The following EPS15 variants were observed in gnomAD, a reference collection of about 807,000 sequenced individuals.
The protein encoded by EPS15 is epidermal growth factor receptor substrate 15.
A neutral mutation model predicts 113.8 loss-of-function variants in EPS15; 72 were observed. The observed-to-expected ratio is 0.63, with a 90% CI of 0.52 to 0.77. EPS15 has a LOEUF of 0.77. Ranked by LOEUF, EPS15 falls within the 30% of genes least tolerant of loss-of-function variation. The pLI, the probability that EPS15 is intolerant of heterozygous loss-of-function variation, is 0.00. For missense variants in EPS15, 1,048 were observed against 1,045.8 expected (o/e 1.00, Z -0.03); for synonymous variants, 344 against 363.4 (o/e 0.95, Z 0.61).
chr1:51,366,472 A>G (rs1344122724), intron 21 of EPS15, among the ~76,000 whole-genome samples: 2 of 152,212 alleles, frequency 1.3e-5, no homozygotes, highest in Non-Finnish European at 2.9e-5. Flanking sequence ...ACCCACAAAG[A>G]CAGACTGTAT....
intron 13 of EPS15, among the ~76,000 whole-genome samples, chr1:51,412,243 C>A (rs1288191439): frequency 6.6e-6 from 1 of 152,078 alleles, no homozygotes; most frequent in Non-Finnish European, 1.5e-5. Flanking sequence ...AGCATTAGGA[C>A]AAATACCTAA....
intron 2 of EPS15, among the ~76,000 whole-genome samples, chr1:51,479,098 C>G (rs370610385): frequency 6.6e-6 from 1 of 152,198 alleles, no homozygotes; most frequent in Non-Finnish European, 1.5e-5. Context: ...GTACACCAAT[C>G]AGACGTAGAT....
At chr1:51,451,406 G>T (rs1332071034) in intron 8 of EPS15, among the ~76,000 whole-genome samples, 2 of 146,790 alleles carry the variant, frequency 1.4e-5, no homozygotes, top group Non-Finnish European at 3.0e-5. Flanking sequence ...CAGGAGAATT[G>T]ATTGACCTTG....
At chr1:51,365,545 A>C (rs1033938635) in intron 22 of EPS15, among the ~76,000 whole-genome samples, 1 of 152,222 alleles carries the variant, frequency 6.6e-6, no homozygotes, top group African/African-American at 2.4e-5. Context: ...TAATTACCTT[A>C]ATACTGGCCC....
intron 20 of EPS15, 116 bp from the exon 21 acceptor site, chr1:51,394,563 C>T: frequency 1.9e-6 from 1 of 514,914 alleles, no homozygotes; most frequent in East Asian, 3.2e-5. Context: ...GGAATATAGA[C>T]ATTAGGAACA....
chr1:51,387,733 A>T (rs969172776), intron 21 of EPS15, among the ~76,000 whole-genome samples: 3 of 152,220 alleles, frequency 2.0e-5, no homozygotes, highest in Non-Finnish European at 2.9e-5. Context: ...AGGCCATTAC[A>T]TAATGGTAAA....
At chr1:51,380,101 G>A (rs1646906764) in intron 21 of EPS15, among the ~76,000 whole-genome samples, 1 of 151,598 alleles carries the variant, frequency 6.6e-6, no homozygotes, top group South Asian at 2.1e-4. Flanking sequence ...GTAGATGCCT[G>A]TAATCCCAGC....
chr1:51,483,443 C>G (rs1644059898), intron 1 of EPS15, among the ~76,000 whole-genome samples: 1 of 134,334 alleles, frequency 7.4e-6, no homozygotes, highest in Non-Finnish European at 1.7e-5. Flanking sequence ...GTGTGTGTCT[C>G]ATACTGGTTC....
At chr1:51,509,782 A>C (rs1014520731) in intron 1 of EPS15, among the ~76,000 whole-genome samples, 6 of 152,226 alleles carry the variant, frequency 3.9e-5, no homozygotes, top group Admixed American at 6.5e-5. Flanking sequence ...CACTTTCTAG[A>C]GATGTGGTGT....
intron 12 of EPS15, among the ~76,000 whole-genome samples, chr1:51,436,063 G>A (rs762672438): frequency 6.6e-6 from 1 of 152,150 alleles, no homozygotes; most frequent in Non-Finnish European, 1.5e-5. Context: ...TAGTAGATTC[G>A]AGTACTGTAC....
chr1:51,400,636 G>A (rs998965721), intron 19 of EPS15, among the ~76,000 whole-genome samples: 15 of 146,726 alleles, frequency 1.0e-4, no homozygotes, highest in African/African-American at 3.8e-4. Flanking sequence ...AGTCAAGGCT[G>A]CAGTGAGCCA....
chr1:51,357,326 G>A (rs764816945), intron 24 of EPS15, among the ~76,000 whole-genome samples: 15 of 127,296 alleles, frequency 1.2e-4, no homozygotes, highest in South Asian at 2.6e-4. Context: ...GCAGTGAGCC[G>A]AAAATGCACC....
Position 51,471,745 on chromosome 1 carries a change from T to G in EPS15, c.166-8A>C, listed in dbSNP as rs770223194. ...GTCGGCTAAATCCCAAATCTGAAATTTAGGGGGAAAAAATATCAATGTATA... is the reference window on the plus strand; with the variant it reads ...GTCGGCTAAATCCCAAATCTGAAATGTAGGGGGAAAAAATATCAATGTATA... On this transcript the variant is annotated splice_polypyrimidine_tract_variant and splice_region_variant and intron_variant, in intron 3 of 24. Transcript: ENST00000371733. The G allele has an allele frequency of 5.0e-6, 8 of 1,599,794 alleles. No individual in the cohort carries two copies. In the Admixed American group the frequency reaches 1.3e-4, roughly 27 times the overall value.
chr1:51,425,998 A>G (rs981566919), intron 12 of EPS15, among the ~76,000 whole-genome samples: 9 of 152,304 alleles, frequency 5.9e-5, no homozygotes, highest in African/African-American at 2.2e-4. Context: ...TCTTATCTCA[A>G]TATCATTCAA....
chr1:51,452,220 T>A (rs1276817750), intron 8 of EPS15, among the ~76,000 whole-genome samples: 4 of 152,040 alleles, frequency 2.6e-5, no homozygotes, highest in Non-Finnish European at 5.9e-5. Context: ...AAAATTTGCA[T>A]ATAATCATAT....
intron 6 of EPS15, among the ~76,000 whole-genome samples, chr1:51,464,332 C>G (rs1030378003): frequency 1.3e-5 from 2 of 151,764 alleles, no homozygotes; most frequent in African/African-American, 4.8e-5. Context: ...CTCCACCTCC[C>G]GGGTTCAAGC....
chr1:51,515,277 G>A (rs1644693877), intron 1 of EPS15, among the ~76,000 whole-genome samples: 1 of 151,464 alleles, frequency 6.6e-6, no homozygotes, highest in African/African-American at 2.4e-5. Context: ...AAAAGAATCT[G>A]ACAACATAGT....
intron 11 of EPS15, among the ~76,000 whole-genome samples, chr1:51,443,636 TCTTTC>T (rs1481247107): frequency 3.1e-3 from 4 of 1,280 alleles, no homozygotes; most frequent in African/African-American, 0.012. Flanking sequence ...AATCCAATTT[TCTTTC>T]TTTCTTTCTT....
intron 1 of EPS15, among the ~76,000 whole-genome samples, chr1:51,499,780 T>G (rs1463541817): frequency 6.6e-6 from 1 of 152,232 alleles, no homozygotes; most frequent in Non-Finnish European, 1.5e-5. Context: ...TTCTCATTTT[T>G]GTTCTACTTT....
Sources: gnomAD v4.1 joint callset for allele counts (sites outside exome capture counted in the v4.1 genomes callset) on GRCh38, gnomAD v4.1.1 for gene constraint, MANE v1.5 for transcripts, NCBI Gene and HGNC (gene_info 2026-07-23, HGNC 2026-07-21) for gene names.